The following PPM1E variants were observed in gnomAD, a reference collection of about 807,000 sequenced individuals.
PPM1E encodes the protein protein phosphatase 1E.
In PPM1E, 20 loss-of-function variants were observed where a neutral mutation model predicts 65.9. The observed-to-expected ratio is 0.30, with a 90% CI of 0.21 to 0.44. The LOEUF is 0.44. Among genes scored for constraint, PPM1E ranks in the 20% least tolerant of loss-of-function variants. The pLI, the probability that PPM1E is intolerant of heterozygous loss-of-function variation, is 1.00. For missense variants in PPM1E, 713 were observed against 953.1 expected (o/e 0.75, Z 3.32); for synonymous variants, 352 against 374.9 (o/e 0.94, Z 0.70).
At chr17:58,931,991 G>T (rs910037528) in intron 1 of PPM1E, among the ~76,000 whole-genome samples, 2 of 152,148 alleles carry the variant, frequency 1.3e-5, no homozygotes, top group Admixed American at 6.6e-5. Context: ...AAAGAATTGG[G>T]AGGGCTGGGT....
At chr17:58,809,685 C>T (rs965730230) in intron 1 of PPM1E, among the ~76,000 whole-genome samples, 1 of 151,960 alleles carries the variant, frequency 6.6e-6, no homozygotes, top group Middle Eastern at 3.2e-3. Context: ...GCCCAGCCCC[C>T]CTCATTTTTT....
intron 1 of PPM1E, among the ~76,000 whole-genome samples, chr17:58,790,810 A>G (rs1343461521): frequency 6.6e-6 from 1 of 152,014 alleles, no homozygotes; most frequent in Non-Finnish European, 1.5e-5. Flanking sequence ...CATGCCCCCT[A>G]CTGTCTTACT....
In PPM1E at chr17:58,755,984, G is replaced by T; in HGVS notation, c.-14G>T. The T allele has an allele frequency of 6.2e-7, 1 of 1,613,938 alleles. No individual in the cohort carries two copies. Among genetic ancestry groups the T allele is most frequent in the Non-Finnish European group, 8.5e-7 (1 of 1,179,898 alleles). Reference sequence around the variant, plus strand: ...CCAACCCCTTTCCCGGTCTGCCCTGGGGCATGAGCAGCGATGGCCGGCTGC... The same window carrying T: ...CCAACCCCTTTCCCGGTCTGCCCTGTGGCATGAGCAGCGATGGCCGGCTGC... On this transcript the variant is annotated 5_prime_UTR_variant, in exon 1 of 7. Coordinates refer to ENST00000308249, the MANE Select transcript of PPM1E (RefSeq NM_014906.5).
intron 1 of PPM1E, among the ~76,000 whole-genome samples, chr17:58,824,036 A>C (rs1426066368): frequency 6.6e-6 from 1 of 152,100 alleles, no homozygotes; most frequent in South Asian, 2.1e-4. Context: ...GGCCTGCAAA[A>C]TTTAAATTTA....
chr17:58,836,281 A>G (rs1598601563), intron 1 of PPM1E, among the ~76,000 whole-genome samples: 2 of 151,962 alleles, frequency 1.3e-5, no homozygotes, highest in African/African-American at 4.8e-5. Context: ...AATGAACTAT[A>G]TATAATATTA....
chr17:58,804,317 T>C (rs1234933369), intron 1 of PPM1E, among the ~76,000 whole-genome samples: 1 of 152,256 alleles, frequency 6.6e-6, no homozygotes, highest in Admixed American at 6.5e-5. Context: ...TTCATCATTA[T>C]AGGTGATATC....
chr17:58,880,205 G>C (rs1166227389), intron 1 of PPM1E, among the ~76,000 whole-genome samples: 1 of 152,146 alleles, frequency 6.6e-6, no homozygotes, highest in Non-Finnish European at 1.5e-5. Flanking sequence ...TATTCCTTTT[G>C]GTATAGGGAG....
chr17:58,863,956 A>G (rs1364271148), intron 1 of PPM1E, among the ~76,000 whole-genome samples: 1 of 151,772 alleles, frequency 6.6e-6, no homozygotes, highest in African/African-American at 2.4e-5. Context: ...GGGCTAAAAG[A>G]GAACATTTAG....
intron 4 of PPM1E, 63 bp from the exon 5 acceptor site, chr17:58,972,069 C>T: frequency 6.8e-7 from 1 of 1,481,412 alleles, no homozygotes; most frequent in South Asian, 1.3e-5. Context: ...TAAATTGCTT[C>T]TCAATAAGAA....
At position 58,969,659 on chromosome 17, in the gene PPM1E, C is replaced by A. The variant is rs765176373; in HGVS notation, c.904C>A (p.Pro302Thr). The A allele has an allele frequency of 6.2e-7, 1 of 1,614,140 alleles. No individual in the cohort carries two copies. Among genetic ancestry groups the A allele is most frequent in the Non-Finnish European group, 8.5e-7 (1 of 1,180,012 alleles). ...CCGCCAGGAGATGTTCCCCCATGAT[C>A]CTGCTGAGGCCCTGTGCAGGGCCTT... ...LVRQEMFPHDPAEALCRAFRV... is the reference protein window; with the variant it reads ...LVRQEMFPHDTAEALCRAFRV... The change falls in exon 4 of 7, where the codon CCT (proline) becomes ACT (threonine). Residue 302 changes from proline (P) to threonine (T), a missense_variant. By Grantham distance (38) the Pro-to-Thr change is conservative. Coordinates refer to ENST00000308249, the MANE Select transcript of PPM1E (RefSeq NM_014906.5).
chr17:58,893,680 G>A (rs972794236), intron 1 of PPM1E, among the ~76,000 whole-genome samples: 2 of 152,096 alleles, frequency 1.3e-5, no homozygotes, highest in South Asian at 2.1e-4. Flanking sequence ...ATGGGCTGTC[G>A]ATAGGGAGGG....
chr17:58,851,557 G>C (rs967561706), intron 1 of PPM1E, among the ~76,000 whole-genome samples: 2 of 152,186 alleles, frequency 1.3e-5, no homozygotes, highest in African/African-American at 2.4e-5. Flanking sequence ...TCCAGACACT[G>C]TTTGCCTGGG....
chr17:58,898,899 A>G (rs558213107), intron 1 of PPM1E, among the ~76,000 whole-genome samples: 30 of 152,116 alleles, frequency 2.0e-4, no homozygotes, highest in African/African-American at 6.3e-4. Flanking sequence ...TGAGCAAACT[A>G]TCACAAGGAC....
chr17:58,863,795 C>T (rs975272437), intron 1 of PPM1E, among the ~76,000 whole-genome samples: 11 of 152,150 alleles, frequency 7.2e-5, no homozygotes, highest in Non-Finnish European at 1.2e-4. Flanking sequence ...CCGAACACCT[C>T]TCCGACCATC....
intron 1 of PPM1E, among the ~76,000 whole-genome samples, chr17:58,783,535 G>T (rs1034759902): frequency 4.6e-5 from 7 of 152,272 alleles, no homozygotes; most frequent in African/African-American, 1.7e-4. Flanking sequence ...ATTGGCGTAT[G>T]TCCAAATGAC....
At chr17:58,873,010 T>TGCAGA (rs2051088448) in intron 1 of PPM1E, among the ~76,000 whole-genome samples, 1 of 152,236 alleles carries the variant, frequency 6.6e-6, no homozygotes, top group Admixed American at 6.5e-5. Context: ...AGCGGCATGC[T>TGCAGA]ACTGGCTCAG....
At chr17:58,790,024 G>A (rs1343738058) in intron 1 of PPM1E, among the ~76,000 whole-genome samples, 1 of 151,962 alleles carries the variant, frequency 6.6e-6, no homozygotes, top group African/African-American at 2.4e-5. Context: ...TAAGTTAGTT[G>A]AGCAAATATT....
chr17:58,964,849 G>A (rs2030163432), intron 2 of PPM1E, among the ~76,000 whole-genome samples: 1 of 152,010 alleles, frequency 6.6e-6, no homozygotes, highest in Non-Finnish European at 1.5e-5. Context: ...TTCAAGACCA[G>A]CCTGGCCAAC....
At chr17:58,862,248 A>T (rs2050950468) in intron 1 of PPM1E, among the ~76,000 whole-genome samples, 1 of 152,232 alleles carries the variant, frequency 6.6e-6, no homozygotes, top group Non-Finnish European at 1.5e-5. Context: ...AAGGAATTTT[A>T]AGAGCCTCAG....
Sources: gnomAD v4.1 joint callset for allele counts (sites outside exome capture counted in the v4.1 genomes callset) on GRCh38, gnomAD v4.1.1 for gene constraint, MANE v1.5 for transcripts, NCBI Gene and HGNC (gene_info 2026-07-23, HGNC 2026-07-21) for gene names.